CCBE1: variants seen among roughly 807,000 people sequenced by gnomAD.
CCBE1 encodes collagen and calcium binding EGF domains 1, also known as collagen and calcium-binding EGF domain-containing protein 1.
In CCBE1, 37 loss-of-function variants were observed where a neutral mutation model predicts 50.0. The ratio of observed to expected loss-of-function variants is 0.74; its 90% CI spans 0.57 to 0.97. The LOEUF (loss-of-function observed/expected upper bound fraction) is 0.97, where lower values mean the gene tolerates loss of function less well. Among genes scored for constraint, CCBE1 ranks in the 50% least tolerant of loss-of-function variants. The probability of loss-of-function intolerance (pLI) is 0.00; values close to 1 mark genes in which losing one functional copy is unlikely to be tolerated. For missense variants in CCBE1, 538 were observed against 523.8 expected, an observed-to-expected ratio of 1.03 and a Z score of -0.26; for synonymous variants, 234 against 203.7, an observed-to-expected ratio of 1.15 and a Z score of -1.27.
chr18:59,513,316 C>CA (rs1914216509), intron 2 of CCBE1, among the ~76,000 whole-genome samples: 1 of 78,508 alleles, frequency 1.3e-5, no homozygotes, highest in East Asian at 2.2e-3. Flanking sequence ...AAAAACAAAA[C>CA]AAAACAAAAA....
At chr18:59,468,494 G>A (rs1433278296) in intron 4 of CCBE1, among the ~76,000 whole-genome samples, 1 of 152,200 alleles carries the variant, frequency 6.6e-6, no homozygotes, top group South Asian at 2.1e-4. Context: ...CTCTGCAGGA[G>A]AGGCCAGAGA....
At chr18:59,517,332 G>T (rs1260086124) in intron 2 of CCBE1, among the ~76,000 whole-genome samples, 1 of 152,166 alleles carries the variant, frequency 6.6e-6, no homozygotes, top group Non-Finnish European at 1.5e-5. Flanking sequence ...GGCATTCCTG[G>T]AATATTCTAT....
chr18:59,618,437 T>C (rs560029744), intron 2 of CCBE1, among the ~76,000 whole-genome samples: 45 of 120,070 alleles, frequency 3.7e-4, no homozygotes, highest in Middle Eastern at 4.2e-3. Context: ...CTTAGAAAAG[T>C]TTTTTTTTTT....
At chr18:59,540,036 G>A (rs1048021632) in intron 2 of CCBE1, among the ~76,000 whole-genome samples, 3 of 151,994 alleles carry the variant, frequency 2.0e-5, no homozygotes, top group African/African-American at 7.2e-5. Context: ...GAAGATCAGT[G>A]TATAATCTTG....
intron 10 of CCBE1, among the ~76,000 whole-genome samples, chr18:59,437,010 T>C (rs1003926092): frequency 3.3e-5 from 5 of 152,260 alleles, no homozygotes; most frequent in African/African-American, 1.2e-4. Context: ...AGCAAAATTA[T>C]TAAAATGTTT....
At chr18:59,612,831 T>G (rs2053590371) in intron 2 of CCBE1, among the ~76,000 whole-genome samples, 1 of 112,372 alleles carries the variant, frequency 8.9e-6, no homozygotes, top group African/African-American at 3.4e-5. Context: ...TTTTTGTTTT[T>G]TTTTGTTTTT....
chr18:59,452,487 G>A (rs921933068), intron 6 of CCBE1, among the ~76,000 whole-genome samples: 8 of 152,132 alleles, frequency 5.3e-5, no homozygotes, highest in Non-Finnish European at 1.0e-4. Context: ...CCAGCTACCC[G>A]GGAGGCTGAG....
chr18:59,470,810 G>T (rs599789), intron 3 of CCBE1, among the ~76,000 whole-genome samples: 1 of 151,912 alleles, frequency 6.6e-6, no homozygotes, highest in Non-Finnish European at 1.5e-5. Flanking sequence ...AGCGAGTCTG[G>T]CTTTGCTCCA....
chr18:59,445,170 G>C (rs1910614689), intron 7 of CCBE1, among the ~76,000 whole-genome samples: 1 of 152,054 alleles, frequency 6.6e-6, no homozygotes, highest in Non-Finnish European at 1.5e-5. Flanking sequence ...CATAGTTTTG[G>C]GGTCTTACAT....
intron 2 of CCBE1, among the ~76,000 whole-genome samples, chr18:59,642,119 AAAGT>A (rs2053998839): frequency 6.6e-6 from 1 of 152,234 alleles, no homozygotes; most frequent in Non-Finnish European, 1.5e-5. Flanking sequence ...ATAACCTGAC[AAAGT>A]ATTAGTATTA....
chr18:59,595,114 C>CAAAAAAAA (rs546035209), intron 2 of CCBE1, among the ~76,000 whole-genome samples: 24 of 73,584 alleles, frequency 3.3e-4, no homozygotes, highest in African/African-American at 8.9e-4. Context: ...GACTCTGTCT[C>CAAAAAAAA]AAAAAAAAAA....
At chr18:59,660,467 T>C (rs1202391417) in intron 2 of CCBE1, among the ~76,000 whole-genome samples, 2 of 152,208 alleles carry the variant, frequency 1.3e-5, no homozygotes, top group Non-Finnish European at 2.9e-5. Flanking sequence ...CCAACTTTAG[T>C]TGCTCTTTTC....
intron 2 of CCBE1, among the ~76,000 whole-genome samples, chr18:59,587,028 AG>A (rs996557237): frequency 3.3e-5 from 5 of 152,258 alleles, no homozygotes; most frequent in Non-Finnish European, 7.3e-5. Context: ...AAGTTATAAA[AG>A]AATAGATATT....
At chr18:59,508,574 G>A (rs780852081) in intron 2 of CCBE1, among the ~76,000 whole-genome samples, 1 of 151,834 alleles carries the variant, frequency 6.6e-6, no homozygotes, top group Non-Finnish European at 1.5e-5. Flanking sequence ...TCTAGCCTGG[G>A]CAAAAGAGTG....
intron 2 of CCBE1, among the ~76,000 whole-genome samples, chr18:59,612,950 G>C (rs1272216853): frequency 6.6e-6 from 1 of 151,446 alleles, no homozygotes; most frequent in Non-Finnish European, 1.5e-5. Context: ...CACACATGTT[G>C]AAAGTATTAG....
chr18:59,696,795 G>A lies in CCBE1; in HGVS notation c.132-86C>T, dbSNP rs1024739738. The A allele has an allele frequency of 1.8e-5, 25 of 1,405,490 alleles. No homozygotes were observed. In the Admixed American group the frequency reaches 2.7e-4, roughly 15 times the overall value. The allele number at this position is 1,405,490 out of a possible 1,614,324, so 87.1% of individuals were successfully genotyped here. On this transcript the variant is annotated intron_variant, in intron 1 of 10. Transcript: ENST00000439986. ...GCGCTGGGGAATCCCTGGCGCGTGG[G>A]GATCGCCAGGCTCCCCGTCCCGGCG... is the stretch of plus-strand genomic sequence containing the variant.
chr18:59,697,127 G>T, intron 1 of CCBE1, 85 bp downstream of exon 1: 1 of 1,529,214 alleles, frequency 6.5e-7, no homozygotes. Flanking sequence ...TGTGGGAGTG[G>T]GCGCCGGGGA....
At chr18:59,573,445 A>C (rs1010025969) in intron 2 of CCBE1, among the ~76,000 whole-genome samples, 1 of 151,590 alleles carries the variant, frequency 6.6e-6, no homozygotes, top group Non-Finnish European at 1.5e-5. Context: ...CTGCAGCATC[A>C]GCTCTTACCT....
At chr18:59,507,897 CTTT>C (rs113598829) in intron 2 of CCBE1, among the ~76,000 whole-genome samples, 3 of 143,860 alleles carry the variant, frequency 2.1e-5, no homozygotes, top group Non-Finnish European at 1.5e-5. Context: ...CTTTCTTTTC[CTTT>C]TTTTTTTTTG....
Sources: gnomAD v4.1 joint callset for allele counts (sites outside exome capture counted in the v4.1 genomes callset) on GRCh38, gnomAD v4.1.1 for gene constraint, MANE v1.5 for transcripts, NCBI Gene and HGNC (gene_info 2026-07-23, HGNC 2026-07-21) for gene names.